The following EPB41L4A variants were observed in gnomAD, a reference collection of about 807,000 sequenced individuals.
EPB41L4A encodes band 4.1-like protein 4A.
EPB41L4A carries 100 observed loss-of-function variants against 108.6 expected under a neutral mutation model. That is an observed-to-expected ratio of 0.92 (90% CI 0.78 to 1.09). EPB41L4A has a LOEUF of 1.09. Ranked by LOEUF, EPB41L4A falls within the 50% of genes least tolerant of loss-of-function variation. The pLI is 0.00. For missense variants in EPB41L4A, 1,030 were observed against 842.7 expected (o/e 1.22, Z -2.75); for synonymous variants, 319 against 289.0 (o/e 1.10, Z -1.05).
intron 15 of EPB41L4A, among the ~76,000 whole-genome samples, chr5:112,197,666 A>T (rs1167745966): frequency 6.6e-6 from 1 of 152,124 alleles, no homozygotes; most frequent in Admixed American, 6.5e-5. Flanking sequence ...TACTCAGGTA[A>T]TCTGCAAGTT....
intron 11 of EPB41L4A, among the ~76,000 whole-genome samples, chr5:112,237,845 T>C (rs1441553378): frequency 2.0e-5 from 3 of 152,184 alleles, no homozygotes; most frequent in East Asian, 3.9e-4. Context: ...TATAGACATG[T>C]AGATTTAAGA....
intron 1 of EPB41L4A, among the ~76,000 whole-genome samples, chr5:112,360,370 C>T (rs1758642356): frequency 6.6e-6 from 1 of 152,232 alleles, no homozygotes; most frequent in African/African-American, 2.4e-5. Context: ...CCGCAACCTC[C>T]CTGCCTGATT....
At chr5:112,378,223 T>C (rs1246747132) in intron 1 of EPB41L4A, among the ~76,000 whole-genome samples, 1 of 151,434 alleles carries the variant, frequency 6.6e-6, no homozygotes, top group African/African-American at 2.4e-5. Context: ...CAGGCCACAC[T>C]ACCATCTGCA....
chr5:112,206,694 C>T (rs149523261), intron 13 of EPB41L4A, among the ~76,000 whole-genome samples: 99 of 152,204 alleles, frequency 6.5e-4, no homozygotes, highest in Non-Finnish European at 6.9e-4. Flanking sequence ...AGAGAGTATA[C>T]AAAAGTTAAA....
At chr5:112,175,461 C>T (rs1196826994) in intron 18 of EPB41L4A, 1 of 152,118 alleles carries the variant, frequency 6.6e-6, no homozygotes, top group African/African-American at 2.4e-5. Flanking sequence ...ACTCTTATGT[C>T]TCTGGTATTT....
At chr5:112,395,123 C>A (rs982776286) in intron 1 of EPB41L4A, among the ~76,000 whole-genome samples, 9 of 152,100 alleles carry the variant, frequency 5.9e-5, no homozygotes, top group South Asian at 2.1e-4. Flanking sequence ...TAAATGTTAG[C>A]CCTAAAACCA....
intron 1 of EPB41L4A, among the ~76,000 whole-genome samples, chr5:112,346,185 G>A (rs999093846): frequency 1.2e-4 from 14 of 119,562 alleles, no homozygotes; most frequent in African/African-American, 3.9e-4. Flanking sequence ...ACACCTGGTA[G>A]AAAAAAATTC....
intron 12 of EPB41L4A, among the ~76,000 whole-genome samples, chr5:112,232,782 C>A (rs990882636): frequency 1.5e-4 from 23 of 152,212 alleles, no homozygotes; most frequent in African/African-American, 5.5e-4. Flanking sequence ...AGCCACACCT[C>A]TGAATAACTG....
chr5:112,175,537 T>C (rs1056530038), intron 18 of EPB41L4A: 4 of 152,200 alleles, frequency 2.6e-5, no homozygotes, highest in African/African-American at 7.2e-5. Flanking sequence ...TGGTGTATCA[T>C]AACCTTCTGA....
intron 12 of EPB41L4A, among the ~76,000 whole-genome samples, chr5:112,149,842 G>A (rs770385340): frequency 3.3e-5 from 5 of 152,202 alleles, no homozygotes; most frequent in Non-Finnish European, 7.3e-5. Flanking sequence ...GGATTTGCCT[G>A]GGACATTTGC....
chr5:112,170,384 G>A lies in EPB41L4A; in HGVS notation c.1671-15C>T. On this transcript the variant is annotated splice_polypyrimidine_tract_variant and intron_variant, in intron 19 of 22. Transcript: ENST00000261486. ...CAAGTTCTTTTCTGTAAAGGAATAT[G>A]CAAGAAAATGATAGTTGTGGTGCTG... is the stretch of plus-strand genomic sequence containing the variant. 5.3e-6 allele frequency: 8 copies of A among 1,508,886 alleles called. No homozygotes were observed. Among genetic ancestry groups the A allele is most frequent in the Non-Finnish European group, 7.4e-6 (8 of 1,086,566 alleles). The allele number at this position is 1,508,886 out of a possible 1,614,324, so 93.5% of individuals were successfully genotyped here.
At chr5:112,261,053 T>C (rs563423492) in intron 7 of EPB41L4A, among the ~76,000 whole-genome samples, 1 of 144,064 alleles carries the variant, frequency 6.9e-6, no homozygotes, top group African/African-American at 2.7e-5. Flanking sequence ...AAGTTTTCTT[T>C]TAAAAACTGA....
At chr5:112,341,213 T>G (rs1193112128) in intron 1 of EPB41L4A, among the ~76,000 whole-genome samples, 1 of 152,240 alleles carries the variant, frequency 6.6e-6, no homozygotes, top group Non-Finnish European at 1.5e-5. Context: ...GAGCCTGGTA[T>G]GCAGGACACT....
intron 22 of EPB41L4A, among the ~76,000 whole-genome samples, chr5:112,165,941 C>T (rs1246903739): frequency 6.6e-6 from 1 of 152,204 alleles, no homozygotes; most frequent in Non-Finnish European, 1.5e-5. Flanking sequence ...TTCTGCCTAT[C>T]ATGGGAAGCA....
intron 9 of EPB41L4A, among the ~76,000 whole-genome samples, chr5:112,243,571 G>A (rs567960455): frequency 1.3e-5 from 2 of 152,164 alleles, no homozygotes; most frequent in African/African-American, 4.8e-5. Flanking sequence ...ACAGAAGAAG[G>A]TTGTTTTGTC....
chr5:112,220,323 G>A (rs1003648285), intron 12 of EPB41L4A, among the ~76,000 whole-genome samples: 1 of 152,118 alleles, frequency 6.6e-6, no homozygotes, highest in Non-Finnish European at 1.5e-5. Context: ...TTTGTTGCAA[G>A]TAAAAATGAG....
intron 1 of EPB41L4A, among the ~76,000 whole-genome samples, chr5:112,313,179 A>C (rs1396282993): frequency 6.6e-6 from 1 of 152,206 alleles, no homozygotes. Context: ...GAAGTCTTTG[A>C]CCAGCCTATT....
chr5:112,205,456 T>G lies in EPB41L4A; in HGVS notation c.1227A>C (p.Lys409Asn). Residue 409 changes from lysine (K) to asparagine (N), a missense_variant, in exon 14 of 23, where the codon AAA becomes AAC. Transcript: ENST00000261486. ...NENSPDTQRSKSHAPWEENGP... is the reference protein window; with the variant it reads ...NENSPDTQRSNSHAPWEENGP... ...CATTTTCTTCCCACGGTGCATGAGATTTGCTTCTTTGGGTATCAGGGCTAT... is the reference window on the plus strand; with the variant it reads ...CATTTTCTTCCCACGGTGCATGAGAGTTGCTTCTTTGGGTATCAGGGCTAT... 1 of 1,613,960 alleles carries G rather than the reference T, an allele frequency of 6.2e-7. No individual in the cohort carries two copies. Among genetic ancestry groups the G allele is most frequent in the East Asian group, 2.2e-5 (1 of 44,866 alleles).
intron 1 of EPB41L4A, among the ~76,000 whole-genome samples, chr5:112,360,931 G>T (rs1397265028): frequency 6.6e-6 from 1 of 151,892 alleles, no homozygotes; most frequent in Non-Finnish European, 1.5e-5. Context: ...CCGCCACTCC[G>T]TCTGGGAGGT....
Sources: allele counts gnomAD v4.1 joint callset (sites outside exome capture counted in the v4.1 genomes callset), GRCh38; gene constraint gnomAD v4.1.1; transcripts MANE v1.5; gene names NCBI Gene and HGNC (gene_info 2026-07-23, HGNC 2026-07-21).